METTL15: variants seen among roughly 807,000 people sequenced by gnomAD.
METTL15 encodes 12S rRNA N(4)-cytidine methyltransferase METTL15.
In METTL15, 34 loss-of-function variants were observed where a neutral mutation model predicts 38.3. That is an observed-to-expected ratio of 0.89 (90% CI 0.68 to 1.18). METTL15 has a LOEUF of 1.18. METTL15 is among the 50% of genes most tolerant of loss of function. The pLI is 0.00. For missense variants in METTL15, 438 were observed against 498.4 expected (o/e 0.88, Z 1.15); for synonymous variants, 162 against 170.9 (o/e 0.95, Z 0.41).
At chr11:28,499,870 A>G (rs2133489294) in intron 6 of METTL15, among the ~76,000 whole-genome samples, 1 of 152,344 alleles carries the variant, frequency 6.6e-6, no homozygotes, top group Non-Finnish European at 1.5e-5. Flanking sequence ...GGTGTGTTCA[A>G]TCAGATTCTG....
chr11:28,266,152 G>A (rs1378124537), intron 4 of METTL15, among the ~76,000 whole-genome samples: 3 of 152,150 alleles, frequency 2.0e-5, no homozygotes, highest in South Asian at 2.1e-4. Context: ...TCAGTGTGGC[G>A]ATTCCTCAGG....
chr11:28,433,818 G>A (rs1288059604), intron 6 of METTL15, among the ~76,000 whole-genome samples: 1 of 152,114 alleles, frequency 6.6e-6, no homozygotes, highest in African/African-American at 2.4e-5. Context: ...AACTAGTTGA[G>A]TTGTCCTTGA....
intron 3 of METTL15, among the ~76,000 whole-genome samples, chr11:28,203,173 C>G (rs1852178613): frequency 6.6e-6 from 1 of 151,956 alleles, no homozygotes; most frequent in Non-Finnish European, 1.5e-5. Flanking sequence ...TGCATTATTT[C>G]CATGGGTCCT....
At chr11:28,399,023 G>T (rs557876773) in intron 5 of METTL15, 2 of 151,894 alleles carry the variant, frequency 1.3e-5, no homozygotes, top group Non-Finnish European at 2.9e-5. Context: ...AAAGCTGAAG[G>T]CATCACACTA....
intron 5 of METTL15, among the ~76,000 whole-genome samples, chr11:28,294,087 A>G (rs1236951277): frequency 2.0e-5 from 3 of 152,162 alleles, no homozygotes; most frequent in East Asian, 3.9e-4. Context: ...AACTTCCAAC[A>G]CTATGTTGAA....
intron 5 of METTL15, among the ~76,000 whole-genome samples, chr11:28,397,934 T>C (rs1837378866): frequency 6.6e-6 from 1 of 152,158 alleles, no homozygotes; most frequent in Admixed American, 6.6e-5. Context: ...TCATGTCCTT[T>C]GTGGGGACAT....
chr11:28,494,694 CTG>C (rs1187103126), intron 6 of METTL15, among the ~76,000 whole-genome samples: 1 of 152,154 alleles, frequency 6.6e-6, no homozygotes, highest in Non-Finnish European at 1.5e-5. Flanking sequence ...CTTTCCTGTT[CTG>C]TTCTCATGGT....
chr11:28,288,125 C>T (rs779405701), intron 4 of METTL15, among the ~76,000 whole-genome samples: 9 of 152,148 alleles, frequency 5.9e-5, no homozygotes, highest in Non-Finnish European at 1.0e-4. Context: ...TATCGCCTCA[C>T]ACCATCCAGA....
At chr11:28,323,625 A>C (rs1197213752) in intron 6 of METTL15, among the ~76,000 whole-genome samples, 1 of 152,170 alleles carries the variant, frequency 6.6e-6, no homozygotes. Context: ...AGGTGTTTGC[A>C]TGATTAATTT....
At position 28,332,543 on chromosome 11, in the gene METTL15, C is replaced by T; in HGVS notation, c.*1702C>T. Reference sequence around the variant, plus strand: ...GTCCTCTCCAAAATTCATGTACTTCCTGGAGCCTCAGTATGTGACCTTATT... The same window carrying T: ...GTCCTCTCCAAAATTCATGTACTTCTTGGAGCCTCAGTATGTGACCTTATT... On this transcript the variant is annotated 3_prime_UTR_variant, in exon 7 of 7. Transcript: ENST00000407364. The T allele has an allele frequency of 6.7e-6, 1 of 149,912 alleles. No homozygotes were observed. The allele number at this position is 149,912 out of a possible 1,614,324, so 9.3% of individuals were successfully genotyped here.
chr11:28,390,247 T>A (rs1850488575), intron 5 of METTL15, among the ~76,000 whole-genome samples: 1 of 150,782 alleles, frequency 6.6e-6, no homozygotes, highest in South Asian at 2.1e-4. Flanking sequence ...ATCCCATTTG[T>A]CAATTTTGGC....
At chr11:28,433,190 CATT>C (rs1279802945) in intron 6 of METTL15, among the ~76,000 whole-genome samples, 2 of 143,524 alleles carry the variant, frequency 1.4e-5, no homozygotes, top group Non-Finnish European at 3.0e-5. Flanking sequence ...TTGGCTCTGT[CATT>C]AGTACTATTA....
At chr11:28,429,384 T>TCTCCCTCTCCCTCTCCCC (rs1850892969) in intron 6 of METTL15, among the ~76,000 whole-genome samples, 1 of 77,002 alleles carries the variant, frequency 1.3e-5, no homozygotes, top group Non-Finnish European at 2.5e-5. Context: ...TCCCTCTCCC[T>TCTCCCTCTCCCTCTCCCC]CTCCCTCTCC....
intron 6 of METTL15, among the ~76,000 whole-genome samples, chr11:28,300,812 A>C (rs1856887485): frequency 6.6e-6 from 1 of 152,184 alleles, no homozygotes; most frequent in African/African-American, 2.4e-5. Context: ...TTTGTTAAAC[A>C]ATGTTTATTC....
intron 5 of METTL15, among the ~76,000 whole-genome samples, chr11:28,377,104 A>AT (rs1292585837): frequency 7.1e-6 from 1 of 141,308 alleles, no homozygotes; most frequent in Non-Finnish European, 1.6e-5. Flanking sequence ...TTTTTCCTTC[A>AT]TTTCAACTTT....
At chr11:28,521,123 A>G (rs997817212) in intron 6 of METTL15, among the ~76,000 whole-genome samples, 20 of 152,290 alleles carry the variant, frequency 1.3e-4, no homozygotes, top group African/African-American at 4.8e-4. Flanking sequence ...TATTTTATAC[A>G]GTTTTGTATA....
At chr11:28,384,230 T>C (rs894926203) in intron 5 of METTL15, among the ~76,000 whole-genome samples, 2 of 152,170 alleles carry the variant, frequency 1.3e-5, no homozygotes, top group South Asian at 2.1e-4. Context: ...TTTTGGTTGA[T>C]TCAATGTCTT....
In METTL15 at chr11:28,320,072, A is replaced by G. The variant is rs149159723; in HGVS notation, c.779-10324A>G. 2.2e-4 allele frequency among the ~76,000 whole-genome samples: 33 copies of G among 152,288 alleles called. No homozygotes were observed. In the East Asian group the frequency reaches 4.2e-3, roughly 20 times the overall value. Reference sequence around the variant, plus strand: ...TCATGAGAGCAAGGACTATGTATTCAGAAATGTTTTAATCCCCAGTGTTTA... The same window carrying G: ...TCATGAGAGCAAGGACTATGTATTCGGAAATGTTTTAATCCCCAGTGTTTA... On this transcript the variant is annotated intron_variant, in intron 6 of 6. Coordinates refer to ENST00000407364, the MANE Select transcript of METTL15 (RefSeq NM_001113528.2).
intron 4 of METTL15, among the ~76,000 whole-genome samples, chr11:28,237,186 C>T (rs1021364244): frequency 1.3e-5 from 2 of 152,158 alleles, no homozygotes; most frequent in East Asian, 1.9e-4. Flanking sequence ...GGATAATATC[C>T]TGCAGAGTGT....
Sources: allele counts gnomAD v4.1 joint callset (sites outside exome capture counted in the v4.1 genomes callset), GRCh38; gene constraint gnomAD v4.1.1; transcripts MANE v1.5; gene names NCBI Gene and HGNC (gene_info 2026-07-23, HGNC 2026-07-21).